CSMD1: variants seen among roughly 807,000 people sequenced by gnomAD.
CSMD1 encodes the protein CUB and Sushi multiple domains 1.
CSMD1 carries 213 observed loss-of-function variants against 417.5 expected under a neutral mutation model. The ratio of observed to expected loss-of-function variants is 0.51; its 90% confidence interval spans 0.46 to 0.57. The LOEUF (loss-of-function observed/expected upper bound fraction) is 0.57. CSMD1 is among the 20% of genes least tolerant of loss of function. The pLI, the probability that CSMD1 is intolerant of heterozygous loss-of-function variation, is 0.00. For missense variants in CSMD1, 6,923 were observed against 4,529.7 expected (o/e 1.53, Z -15.17); for synonymous variants, 2,862 against 1,736.8 (o/e 1.65, Z -16.11).
intron 5 of CSMD1, among the ~76,000 whole-genome samples, chr8:3,989,447 G>A (rs565886998): frequency 1.3e-5 from 2 of 152,266 alleles, no homozygotes; most frequent in East Asian, 3.9e-4. Context: ...TTCTTAGCAT[G>A]CTGGAACGAG....
intron 23 of CSMD1, among the ~76,000 whole-genome samples, chr8:3,335,145 C>A (rs764898377): frequency 9.2e-5 from 14 of 152,128 alleles, no homozygotes; most frequent in Non-Finnish European, 1.8e-4. Context: ...ACATCCTACA[C>A]CACTATGTTT....
At chr8:4,236,499 C>T (rs965468237) in intron 3 of CSMD1, among the ~76,000 whole-genome samples, 11 of 152,116 alleles carry the variant, frequency 7.2e-5, no homozygotes, top group African/African-American at 2.7e-4. Context: ...GAGTAGGAAT[C>T]TGAGATGATT....
At chr8:4,820,811 A>G (rs1014459137) in intron 1 of CSMD1, among the ~76,000 whole-genome samples, 2 of 152,212 alleles carry the variant, frequency 1.3e-5, no homozygotes, top group Non-Finnish European at 2.9e-5. Context: ...AGATGAAGAC[A>G]GTAACTGTAA....
chr8:3,068,257 T>C (rs1813079940), intron 49 of CSMD1, among the ~76,000 whole-genome samples: 1 of 152,166 alleles, frequency 6.6e-6, no homozygotes, highest in Non-Finnish European at 1.5e-5. Flanking sequence ...TTTTTTCTTT[T>C]TTCTTTTTGC....
At chr8:3,051,325 A>C (rs551966757) in intron 50 of CSMD1, among the ~76,000 whole-genome samples, 1 of 152,354 alleles carries the variant, frequency 6.6e-6, no homozygotes, top group South Asian at 2.1e-4. Flanking sequence ...TCATTATTCC[A>C]AGTGAACTAA....
At chr8:2,973,744 GT>G (rs1166012974) in intron 56 of CSMD1, among the ~76,000 whole-genome samples, 5 of 151,804 alleles carry the variant, frequency 3.3e-5, no homozygotes, top group African/African-American at 7.3e-5. Flanking sequence ...AATTTTGGTT[GT>G]TTAAGAAACA....
At chr8:3,628,398 T>C (rs1011795591) in intron 7 of CSMD1, among the ~76,000 whole-genome samples, 2 of 152,218 alleles carry the variant, frequency 1.3e-5, no homozygotes, top group African/African-American at 2.4e-5. Flanking sequence ...CCCGTAGTCA[T>C]GGGGACTTGG....
rs1410126776 is a variant in CSMD1, at chr8:4,372,468, T to G, written c.415+47485A>C. On this transcript the variant is annotated intron_variant, in intron 3 of 69. Coordinates refer to ENST00000635120, the MANE Select transcript of CSMD1 (RefSeq NM_033225.6). Reference sequence around the variant, plus strand: ...AGTGAACTCAATTCAAGGGCAATAGTTAAGTGTCACTTAAAACAACAACAA... The same window carrying G: ...AGTGAACTCAATTCAAGGGCAATAGGTAAGTGTCACTTAAAACAACAACAA... Among the ~76,000 whole-genome samples, 6 of 151,466 alleles carry G rather than the reference T, an allele frequency of 4.0e-5. No individual in the cohort carries two copies. In the South Asian group the frequency reaches 1.2e-3, roughly 31 times the overall value.
intron 25 of CSMD1, among the ~76,000 whole-genome samples, chr8:3,285,912 C>T (rs1031895719): frequency 1.3e-5 from 2 of 151,760 alleles, no homozygotes; most frequent in African/African-American, 4.8e-5. Flanking sequence ...ATACATGTGC[C>T]ATGTTGGTCT....
At chr8:3,837,808 C>T (rs557915669) in intron 5 of CSMD1, among the ~76,000 whole-genome samples, 5 of 152,242 alleles carry the variant, frequency 3.3e-5, no homozygotes, top group Middle Eastern at 3.4e-3. Context: ...TGACAAAGAA[C>T]CAGTGCTTCC....
chr8:3,372,495 G>T (rs1487334000), intron 18 of CSMD1, among the ~76,000 whole-genome samples: 1 of 152,148 alleles, frequency 6.6e-6, no homozygotes, highest in African/African-American at 2.4e-5. Flanking sequence ...CCCGAACCAG[G>T]GCATTGGCAG....
intron 1 of CSMD1, among the ~76,000 whole-genome samples, chr8:4,716,614 A>G (rs1808675085): frequency 6.6e-6 from 1 of 152,208 alleles, no homozygotes; most frequent in Non-Finnish European, 1.5e-5. Context: ...CAGAATATGG[A>G]TTAACACAGG....
At chr8:3,922,474 T>C (rs1809345093) in intron 5 of CSMD1, among the ~76,000 whole-genome samples, 1 of 152,094 alleles carries the variant, frequency 6.6e-6, no homozygotes, top group South Asian at 2.1e-4. Flanking sequence ...CGTCACATTT[T>C]CTTTCATAAT....
intron 5 of CSMD1, among the ~76,000 whole-genome samples, chr8:3,875,311 G>C (rs1382144162): frequency 1.3e-5 from 2 of 152,180 alleles, no homozygotes; most frequent in Non-Finnish European, 2.9e-5. Flanking sequence ...TAAACTCAAA[G>C]AATTTGCTGT....
At chr8:2,946,096 A>G (rs1802213630) in intron 68 of CSMD1, among the ~76,000 whole-genome samples, 1 of 152,296 alleles carries the variant, frequency 6.6e-6, no homozygotes, top group African/African-American at 2.4e-5. Context: ...TGGCTCCTAC[A>G]TGAGTAACAC....
At chr8:3,939,485 T>C (rs1406615893) in intron 5 of CSMD1, among the ~76,000 whole-genome samples, 1 of 152,128 alleles carries the variant, frequency 6.6e-6, no homozygotes, top group Non-Finnish European at 1.5e-5. Flanking sequence ...AGAACTACCA[T>C]GTGATTCAGC....
intron 3 of CSMD1, among the ~76,000 whole-genome samples, chr8:4,373,240 G>C (rs928498586): frequency 6.6e-6 from 1 of 152,172 alleles, no homozygotes; most frequent in Admixed American, 6.5e-5. Context: ...CCCCAGCCAA[G>C]AGGAGCCTAC....
At chr8:4,708,473 T>C (rs1157404425) in intron 1 of CSMD1, among the ~76,000 whole-genome samples, 1 of 152,214 alleles carries the variant, frequency 6.6e-6, no homozygotes, top group African/African-American at 2.4e-5. Context: ...GAAAAAGTAA[T>C]GGTTACCATC....
intron 18 of CSMD1, 121 bp from the exon 19 acceptor site, chr8:3,369,491 G>C (rs1313378451): frequency 8.3e-6 from 5 of 603,090 alleles, no homozygotes; most frequent in Non-Finnish European, 1.5e-5. Context: ...TCATATCCAA[G>C]AAAAACCAAG....
Sources: allele counts gnomAD v4.1 joint callset (sites outside exome capture counted in the v4.1 genomes callset), GRCh38; gene constraint gnomAD v4.1.1; transcripts MANE v1.5; gene names NCBI Gene and HGNC (gene_info 2026-07-23, HGNC 2026-07-21).